Variants in FBXO16 observed in about 807,000 individuals in gnomAD.
FBXO16 encodes the protein F-box protein 16.
FBXO16 carries 31 observed loss-of-function variants against 41.0 expected under a neutral mutation model. The ratio of observed to expected loss-of-function variants is 0.76; its 90% CI spans 0.57 to 1.02. FBXO16 has a LOEUF of 1.02. Among genes scored for constraint, FBXO16 ranks in the 50% least tolerant of loss-of-function variants. The pLI, the probability that FBXO16 is intolerant of heterozygous loss-of-function variation, is 0.00. For missense variants in FBXO16, 361 were observed against 346.2 expected (o/e 1.04, Z -0.34); for synonymous variants, 133 against 117.8 (o/e 1.13, Z -0.84).
intron 7 of FBXO16, among the ~76,000 whole-genome samples, chr8:28,437,313 G>C (rs1045652353): frequency 3.3e-5 from 5 of 152,200 alleles, no homozygotes; most frequent in African/African-American, 1.2e-4. Flanking sequence ...TGGATAGCCT[G>C]ATGAAACAAG....
At chr8:28,488,834 T>C (rs1803643926) in intron 1 of FBXO16, among the ~76,000 whole-genome samples, 2 of 152,106 alleles carry the variant, frequency 1.3e-5, no homozygotes, top group African/African-American at 2.4e-5. Flanking sequence ...TCTGCCATGA[T>C]TTTACCTCCA....
intron 7 of FBXO16, among the ~76,000 whole-genome samples, chr8:28,438,939 A>G (rs1802723308): frequency 6.6e-6 from 1 of 151,970 alleles, no homozygotes; most frequent in South Asian, 2.1e-4. Context: ...ATCTCTACTA[A>G]AAATACAAAA....
chr8:28,428,815 G>C, intron 8 of FBXO16, 79 bp from the exon 9 acceptor site: 1 of 1,408,870 alleles, frequency 7.1e-7, no homozygotes, highest in Non-Finnish European at 9.3e-7. Context: ...TATTTTTAAT[G>C]ACATAAAACG....
At chr8:28,449,831 G>T (rs1325580488) in intron 6 of FBXO16, among the ~76,000 whole-genome samples, 1 of 151,872 alleles carries the variant, frequency 6.6e-6, no homozygotes, top group Non-Finnish European at 1.5e-5. Context: ...AATTAGCTGG[G>T]CGTGGTGGTG....
chr8:28,462,099 C>T (rs1803143288), intron 4 of FBXO16, among the ~76,000 whole-genome samples: 1 of 151,784 alleles, frequency 6.6e-6, no homozygotes, highest in Admixed American at 6.6e-5. Flanking sequence ...GTCACCACAC[C>T]CACCTAATTT....
At chr8:28,467,469 C>T (rs754229901) in intron 3 of FBXO16, among the ~76,000 whole-genome samples, 2 of 152,166 alleles carry the variant, frequency 1.3e-5, no homozygotes, top group Middle Eastern at 3.4e-3. Flanking sequence ...GGATTAAATA[C>T]AATAATATAT....
intron 7 of FBXO16, among the ~76,000 whole-genome samples, chr8:28,443,370 C>G (rs1802809956): frequency 6.6e-6 from 1 of 152,088 alleles, no homozygotes; most frequent in African/African-American, 2.4e-5. Flanking sequence ...TTCCTGCCCT[C>G]TCCATTTAAC....
chr8:28,465,354 G>C, intron 3 of FBXO16: 1 of 447,210 alleles, frequency 2.2e-6, no homozygotes. Context: ...CCCGTGTGGT[G>C]GCTCATGTCT....
At chr8:28,467,805 G>A (rs749143020) in intron 3 of FBXO16, among the ~76,000 whole-genome samples, 15 of 152,150 alleles carry the variant, frequency 9.9e-5, no homozygotes, top group Admixed American at 2.6e-4. Flanking sequence ...TTTCCCCAGC[G>A]ATTAAAAAGA....
At chr8:28,452,589 T>A in intron 5 of FBXO16, 113 bp from the exon 6 acceptor site, 1 of 951,646 alleles carries the variant, frequency 1.1e-6, no homozygotes, top group South Asian at 1.6e-5. Flanking sequence ...TCACCTGAGG[T>A]CAGAAGTTCG....
chr8:28,439,357 A>C (rs533980981), intron 7 of FBXO16, among the ~76,000 whole-genome samples: 1 of 152,254 alleles, frequency 6.6e-6, no homozygotes, highest in Admixed American at 6.5e-5. Context: ...AATTCCCAGG[A>C]ATTTCATTGC....
Position 28,486,465 on chromosome 8 carries a change from C to CTG in FBXO16, c.-16-3004_-16-3003insCA, listed in dbSNP as rs1803603932. Among the ~76,000 whole-genome samples, 4 of 152,178 alleles carry CTG rather than the reference C, an allele frequency of 2.6e-5. No homozygotes were observed. In the South Asian group the frequency reaches 6.2e-4, roughly 24 times the overall value. On this transcript the variant is annotated intron_variant, in intron 1 of 8. Coordinates refer to ENST00000380254, the MANE Select transcript of FBXO16 (RefSeq NM_172366.4). ...TCTCAAACTCCTGACCTCAGGTGAT[C>CTG]CACCAGCCTAAGCCTCCCAAAGTGC...
In FBXO16 at chr8:28,449,295, C is replaced by T. The variant is rs559319127; in HGVS notation, c.741-2022G>A. On this transcript the variant is annotated intron_variant, in intron 6 of 8. Coordinates refer to ENST00000380254, the MANE Select transcript of FBXO16 (RefSeq NM_172366.4). ...GAAAATGCTGAAGTGACATGTAGAT[C>T]GAATGCAATATGTAGACTTCTTTTT... 2.0e-5 allele frequency among the ~76,000 whole-genome samples: 3 copies of T among 147,450 alleles called. No homozygotes were observed. In the East Asian group the frequency reaches 5.9e-4, roughly 29 times the overall value.
intron 7 of FBXO16, among the ~76,000 whole-genome samples, chr8:28,431,335 C>T (rs978938957): frequency 2.6e-5 from 4 of 152,088 alleles, no homozygotes; most frequent in African/African-American, 9.7e-5. Context: ...CTTGTGGTCC[C>T]GGAACACAAG....
chr8:28,449,796 A>C (rs1344991562), intron 6 of FBXO16, among the ~76,000 whole-genome samples: 1 of 151,552 alleles, frequency 6.6e-6, no homozygotes. Flanking sequence ...ACATGGTGAA[A>C]CCTCGTCCCT....
Position 28,456,623 on chromosome 8 carries a change from A to T in FBXO16, c.507+143T>A, listed in dbSNP as rs145473177. ...GTCTTGAAAACAACTATCAAGTCTC[A>T]GAAAAGGAGAATTTTGAAATCATAG... On this transcript the variant is annotated intron_variant, in intron 5 of 8. Coordinates refer to ENST00000380254, the MANE Select transcript of FBXO16 (RefSeq NM_172366.4). 3,027 of 973,388 alleles carry T rather than the reference A, an allele frequency of 3.1e-3. 9 individuals carry two copies. The highest frequency in any genetic ancestry group is 3.7e-3 in the Non-Finnish European group (2,481 of 667,624). 60.3% of individuals were successfully genotyped at this position (973,388 alleles called of 1,614,324 possible). A position where few individuals can be genotyped will look rare whatever the true frequency, so the allele number is the denominator to read the frequency against.
intron 3 of FBXO16, among the ~76,000 whole-genome samples, chr8:28,472,198 C>G (rs560570622): frequency 6.6e-6 from 1 of 152,254 alleles, no homozygotes; most frequent in Non-Finnish European, 1.5e-5. Flanking sequence ...TCAAGCAATC[C>G]TCCTGCCTTA....
rs762477803 is a variant in FBXO16, at chr8:28,463,370, ATG to A, written c.342+240_342+241del. 8.2e-4 allele frequency among the ~76,000 whole-genome samples: 115 copies of A among 139,802 alleles called. 1 individual carries two copies. The highest frequency in any genetic ancestry group is 3.7e-3 in the Middle Eastern group (1 of 268). The allele number at this position is 139,802 out of a possible 152,430, so 91.7% of individuals were successfully genotyped here. On this transcript the variant is annotated intron_variant, in intron 4 of 8. Coordinates refer to ENST00000380254, the MANE Select transcript of FBXO16 (RefSeq NM_172366.4). ...TTTGTGTTTGTGTATATGTGTGTAT[ATG>A]TGTGTGTTTGTGTGTTTGTGTTTGT...
rs943519672 is a variant in FBXO16, at chr8:28,482,345, T to C, written c.99+1003A>G. ...AAGAGGATGAGGTCAGTTTTATATATGGTGATTGTGTTTTCCTGAAAAATA... is the reference window on the plus strand; with the variant it reads ...AAGAGGATGAGGTCAGTTTTATATACGGTGATTGTGTTTTCCTGAAAAATA... On this transcript the variant is annotated intron_variant, in intron 2 of 8. Coordinates refer to ENST00000380254, the MANE Select transcript of FBXO16 (RefSeq NM_172366.4). Among the ~76,000 whole-genome samples the C allele has an allele frequency of 8.5e-5, 13 of 152,202 alleles. No individual in the cohort carries two copies. In the East Asian group the frequency reaches 1.2e-3, roughly 14 times the overall value.
Sources: gnomAD v4.1 joint callset for allele counts (sites outside exome capture counted in the v4.1 genomes callset) on GRCh38, gnomAD v4.1.1 for gene constraint, MANE v1.5 for transcripts, NCBI Gene and HGNC (gene_info 2026-07-23, HGNC 2026-07-21) for gene names.